UACA: variants seen among roughly 807,000 people sequenced by gnomAD.
The protein encoded by UACA is nuclear membrane binding protein.
UACA carries 112 observed loss-of-function variants against 160.5 expected under a neutral mutation model. The ratio of observed to expected loss-of-function variants is 0.70; its 90% CI spans 0.60 to 0.82. UACA has a LOEUF of 0.82. UACA is among the 40% of genes least tolerant of loss of function. UACA has a pLI of 0.00. For missense variants in UACA, 1,574 were observed against 1,614.6 expected (o/e 0.97, Z 0.43); for synonymous variants, 557 against 568.4 (o/e 0.98, Z 0.29).
rs772096665 is a variant in UACA at position 70,668,581 on chromosome 15, A to C, written c.2103T>G (p.Leu701=). 3 of 1,612,900 alleles carry C rather than the reference A, an allele frequency of 1.9e-6. No individual in the cohort carries two copies. The African/African-American group carries it at 4.0e-5, about 22-fold the overall frequency. ...KSRLEQKSGE[L]GKKITELTLK... Reference sequence around the variant, plus strand: ...ATGTTAACTCAGTGATCTTCTTCCCAAGTTCTCCTGATTTCTGTTCTAATC... The same window carrying C: ...ATGTTAACTCAGTGATCTTCTTCCCCAGTTCTCCTGATTTCTGTTCTAATC... Residue 701 remains leucine, a synonymous_variant, in exon 16 of 19, where the codon CTT becomes CTG. Coordinates refer to ENST00000322954, the MANE Select transcript of UACA (RefSeq NM_018003.4).
chr15:70,719,027 GAGGA>G (rs1898909765), intron 1 of UACA, among the ~76,000 whole-genome samples: 1 of 151,724 alleles, frequency 6.6e-6, no homozygotes, highest in East Asian at 1.9e-4. Flanking sequence ...TCATAGGAAG[GAGGA>G]AGGAAGGGAG....
intron 1 of UACA, among the ~76,000 whole-genome samples, chr15:70,749,929 T>A (rs140385116): frequency 6.6e-6 from 1 of 152,026 alleles, no homozygotes; most frequent in African/African-American, 2.4e-5. Flanking sequence ...GACAGTGCTC[T>A]CTCTCTCCCT....
In UACA at chr15:70,667,183, T is replaced by C; in HGVS notation, c.3501A>G (p.Ala1167=). The C allele has an allele frequency of 6.2e-7, 1 of 1,613,966 alleles. No homozygotes were observed. Among genetic ancestry groups the C allele is most frequent in the Non-Finnish European group, 8.5e-7 (1 of 1,179,968 alleles). Reference sequence around the variant, plus strand: ...ATGCTTCTTTAATCTGCAAATGCTCTGCCAGGGGTACAGAAGAGTTCTTTT... The same window carrying C: ...ATGCTTCTTTAATCTGCAAATGCTCCGCCAGGGGTACAGAAGAGTTCTTTT... ...ENQKNSSVPL[A]EHLQIKEAFE... Residue 1167 remains alanine (A), a synonymous_variant, in exon 16 of 19, where the codon GCA becomes GCG. Coordinates refer to ENST00000322954, the MANE Select transcript of UACA (RefSeq NM_018003.4).
At chr15:70,701,132 C>G (rs1408697168) in intron 1 of UACA, among the ~76,000 whole-genome samples, 2 of 152,038 alleles carry the variant, frequency 1.3e-5, no homozygotes, top group African/African-American at 2.4e-5. Context: ...TTTAATGGAA[C>G]CTGGTTCAAG....
chr15:70,697,112 A>G (rs1436383417), intron 2 of UACA, among the ~76,000 whole-genome samples: 1 of 152,244 alleles, frequency 6.6e-6, no homozygotes, highest in Non-Finnish European at 1.5e-5. Context: ...CTTCTATAAC[A>G]GGAGATATAT....
intron 1 of UACA, among the ~76,000 whole-genome samples, chr15:70,752,465 A>C (rs536054717): frequency 6.6e-6 from 1 of 151,578 alleles, no homozygotes; most frequent in East Asian, 1.9e-4. Context: ...AAAGTTAAAC[A>C]CTCCTACTTT....
At chr15:70,657,721 T>C (rs1896531059) in intron 18 of UACA, among the ~76,000 whole-genome samples, 1 of 152,132 alleles carries the variant, frequency 6.6e-6, no homozygotes, top group East Asian at 1.9e-4. Context: ...AAGTTATAAA[T>C]GAACAAAGTA....
chr15:70,672,044 C>T (rs1897156754), intron 13 of UACA, 43 bp from the exon 14 acceptor site: 2 of 1,553,692 alleles, frequency 1.3e-6, no homozygotes, highest in Non-Finnish European at 8.7e-7. Context: ...AATGCTGCCT[C>T]ATTTTGTTAA....
chr15:70,703,991 C>T (rs1331723344), intron 1 of UACA, among the ~76,000 whole-genome samples: 1 of 152,172 alleles, frequency 6.6e-6, no homozygotes, highest in Non-Finnish European at 1.5e-5. Flanking sequence ...TATCCTTGCA[C>T]CGTTTTACTT....
intron 1 of UACA, chr15:70,758,978 T>C (rs1331000912): frequency 6.6e-6 from 1 of 152,196 alleles, no homozygotes; most frequent in Non-Finnish European, 1.5e-5. Flanking sequence ...TGGGCCCAAG[T>C]GATCCCCTCA....
chr15:70,679,545 C>T, intron 10 of UACA, 63 bp downstream of exon 10: 1 of 1,122,194 alleles, frequency 8.9e-7, no homozygotes, highest in Non-Finnish European at 1.3e-6. Flanking sequence ...TCTTCTCTCT[C>T]AATCCCACTA....
chr15:70,750,366 C>T lies in UACA; in HGVS notation c.78+12964G>A, dbSNP rs1224391937. Among the ~76,000 whole-genome samples, 5 of 152,138 alleles carry T rather than the reference C, an allele frequency of 3.3e-5. No homozygotes were observed. The East Asian group carries it at 9.6e-4, about 29-fold the overall frequency. ...TTTAAAGCTATTCCAAGATCTACCC[C>T]CAAACCTCTACTTCCTACTTCCCAC... On this transcript the variant is annotated intron_variant, in intron 1 of 18. Transcript: ENST00000322954.
chr15:70,701,841 GA>G, intron 1 of UACA: 1 of 1,574,182 alleles, frequency 6.4e-7, no homozygotes, highest in Non-Finnish European at 8.7e-7. Context: ...GTCTAACCAA[GA>G]ATCTTTTGTT....
At chr15:70,682,326 T>G (rs1198594707) in intron 9 of UACA, among the ~76,000 whole-genome samples, 1 of 152,144 alleles carries the variant, frequency 6.6e-6, no homozygotes, top group Non-Finnish European at 1.5e-5. Context: ...ATATAATCAG[T>G]TTAGAACTCT....
At chr15:70,682,823 C>T (rs1320195441) in intron 8 of UACA, 28 bp from the exon 9 acceptor site, 6 of 1,539,232 alleles carry the variant, frequency 3.9e-6, no homozygotes, top group Non-Finnish European at 5.2e-6. Flanking sequence ...AGAGAAACAA[C>T]AAAATGGCAG....
chr15:70,739,352 G>T (rs1899460607), intron 1 of UACA, among the ~76,000 whole-genome samples: 1 of 152,092 alleles, frequency 6.6e-6, no homozygotes, highest in Non-Finnish European at 1.5e-5. Context: ...CTCCCCACTA[G>T]ATACTAGCAA....
intron 5 of UACA, among the ~76,000 whole-genome samples, chr15:70,689,852 TATAA>T (rs1320290592): frequency 6.6e-6 from 1 of 152,106 alleles, no homozygotes; most frequent in African/African-American, 2.4e-5. Flanking sequence ...TAAAAATCAG[TATAA>T]ATCTCTTTTA....
rs1224357370 is a variant in UACA, at chr15:70,722,310, T to C, written c.79-22650A>G. Among the ~76,000 whole-genome samples the C allele has an allele frequency of 2.6e-5, 4 of 151,218 alleles. No homozygotes were observed. The South Asian group carries it at 8.4e-4, about 32-fold the overall frequency. On this transcript the variant is annotated intron_variant, in intron 1 of 18. Transcript: ENST00000322954. ...GGGAAGAAAGAGGGAAAAGACAATC[T>C]AGCAAAATCACTTTTTTTTTTTTTT...
intron 7 of UACA, 88 bp from the exon 8 acceptor site, chr15:70,684,534 T>C: frequency 7.6e-7 from 1 of 1,310,284 alleles, no homozygotes; most frequent in Non-Finnish European, 1.0e-6. Flanking sequence ...AACACTGTCT[T>C]AGTGTTCACT....
Sources: allele counts gnomAD v4.1 joint callset (sites outside exome capture counted in the v4.1 genomes callset), GRCh38; gene constraint gnomAD v4.1.1; transcripts MANE v1.5; gene names NCBI Gene and HGNC (gene_info 2026-07-23, HGNC 2026-07-21).